VCL: variants seen among roughly 807,000 people sequenced by gnomAD.
VCL encodes the protein epididymis luminal protein 114.
A neutral mutation model predicts 125.7 loss-of-function variants in VCL; 47 were observed. The ratio of observed to expected loss-of-function variants is 0.37; its 90% CI spans 0.30 to 0.48. The LOEUF (loss-of-function observed/expected upper bound fraction) is 0.48, where lower values mean the gene tolerates loss of function less well. Ranked by LOEUF, VCL falls within the 20% of genes least tolerant of loss-of-function variation. The pLI, the probability that VCL is intolerant of heterozygous loss-of-function variation, is 0.99. For synonymous variants in VCL, 458 were observed against 514.6 expected (o/e 0.89, Z 1.49); for missense variants, 1,069 against 1,455.5 (o/e 0.73, Z 4.32).
chr10:74,011,165 CAAAAAAAAAAAA>C lies in VCL; in HGVS notation c.168+12805_168+12816del, dbSNP rs71021585. Among the ~76,000 whole-genome samples the C allele has an allele frequency of 9.6e-5, 5 of 52,326 alleles. No homozygotes were observed. The South Asian group carries it at 2.9e-3, about 31-fold the overall frequency. 34.3% of individuals were successfully genotyped at this position (52,326 alleles called of 152,430 possible). ...GGGCAACAAGAGTGAAACTCTATCTCAAAAAAAAAAAAAAAAAAAAAAAAAAGACACGGGATC... is the reference window on the plus strand; with the variant it reads ...GGGCAACAAGAGTGAAACTCTATCTCAAAAAAAAAAAAAAGACACGGGATC... On this transcript the variant is annotated intron_variant, in intron 1 of 21. Transcript: ENST00000211998.
chr10:74,089,172 A>G (rs1407991364), intron 8 of VCL, 24 bp from the exon 9 acceptor site: 2 of 1,613,786 alleles, frequency 1.2e-6, no homozygotes, highest in Non-Finnish European at 1.7e-6. Context: ...GTGTACAATG[A>G]CAGCATGTGT....
intron 1 of VCL, among the ~76,000 whole-genome samples, chr10:74,038,034 G>T (rs900000868): frequency 1.5e-5 from 2 of 137,800 alleles, no homozygotes; most frequent in East Asian, 4.1e-4. Context: ...GTCTCGCTCT[G>T]TCGCCTAGGC....
chr10:74,053,189 C>T (rs1233990147), intron 2 of VCL, among the ~76,000 whole-genome samples: 1 of 151,908 alleles, frequency 6.6e-6, no homozygotes, highest in Non-Finnish European at 1.5e-5. Flanking sequence ...TCTAAAACTC[C>T]CTGTATCTGG....
At chr10:74,018,660 G>A (rs1352940530) in intron 1 of VCL, among the ~76,000 whole-genome samples, 3 of 152,014 alleles carry the variant, frequency 2.0e-5, no homozygotes, top group Admixed American at 6.6e-5. Flanking sequence ...CCCTTGTGAA[G>A]GGACTCAGAC....
At chr10:74,018,177 GATATATATAT>G (rs72407698) in intron 1 of VCL, among the ~76,000 whole-genome samples, 2 of 81,908 alleles carry the variant, frequency 2.4e-5, no homozygotes, top group Non-Finnish European at 2.6e-5. Context: ...ATATATATAG[GATATATATAT>G]ATATATATAT....
intron 1 of VCL, among the ~76,000 whole-genome samples, chr10:74,030,429 G>T (rs1840854348): frequency 6.6e-6 from 1 of 152,170 alleles, no homozygotes; most frequent in Admixed American, 6.5e-5. Flanking sequence ...TGACATAAAT[G>T]CTTCTCAATC....
intron 2 of VCL, among the ~76,000 whole-genome samples, chr10:74,059,902 G>A (rs775953904): frequency 6.6e-6 from 1 of 152,120 alleles, no homozygotes; most frequent in Non-Finnish European, 1.5e-5. Flanking sequence ...AGTGGCTCAC[G>A]CCTGTAATTC....
intron 9 of VCL, 123 bp from the exon 10 acceptor site, chr10:74,089,900 C>A: frequency 2.7e-6 from 3 of 1,109,316 alleles, no homozygotes; most frequent in South Asian, 2.7e-5. Flanking sequence ...TAATAAAGAT[C>A]AGAATTATAA....
At chr10:74,003,161 C>G (rs1840261764) in intron 1 of VCL, among the ~76,000 whole-genome samples, 1 of 151,870 alleles carries the variant, frequency 6.6e-6, no homozygotes, top group South Asian at 2.1e-4. Context: ...CAACTTCTGC[C>G]TCCCGGGTTC....
chr10:74,117,060 T>C (rs1840321568), intron 21 of VCL, among the ~76,000 whole-genome samples: 1 of 152,256 alleles, frequency 6.6e-6, no homozygotes, highest in Non-Finnish European at 1.5e-5. Flanking sequence ...TTCAGTCTTA[T>C]AAGTTTGTGC....
In VCL at chr10:74,008,703, C is replaced by T. The variant is rs117955572; in HGVS notation, c.168+10328C>T. On this transcript the variant is annotated intron_variant, in intron 1 of 21. Transcript: ENST00000211998. ...AACCTTTAGGTCATGGTTCCGACAGCGGGGTGTATTTTTACATAATAAACC... is the reference window on the plus strand; with the variant it reads ...AACCTTTAGGTCATGGTTCCGACAGTGGGGTGTATTTTTACATAATAAACC... Among the ~76,000 whole-genome samples the T allele has an allele frequency of 7.6e-4, 116 of 152,260 alleles. 1 individual carries two copies. The highest frequency in any genetic ancestry group is 1.4e-3 in the Admixed American group (22 of 15,282).
chr10:74,008,453 G>T (rs1325469808), intron 1 of VCL, among the ~76,000 whole-genome samples: 6 of 152,154 alleles, frequency 3.9e-5, no homozygotes, highest in Non-Finnish European at 1.5e-5. Context: ...TTGGGATTTT[G>T]CATTCTCTTC....
At chr10:74,057,080 C>T (rs1469789021) in intron 2 of VCL, among the ~76,000 whole-genome samples, 1 of 151,916 alleles carries the variant, frequency 6.6e-6, no homozygotes, top group East Asian at 1.9e-4. Context: ...ATAGCTGGGG[C>T]TACAGGTACA....
chr10:74,043,042 G>A (rs367892743), intron 1 of VCL, 41 bp from the exon 2 acceptor site: 100 of 1,552,312 alleles, frequency 6.4e-5, no homozygotes, highest in Non-Finnish European at 8.6e-5. Flanking sequence ...TTTAAAGTCT[G>A]AGAATTTATA....
At chr10:74,014,868 T>G (rs1840508580) in intron 1 of VCL, among the ~76,000 whole-genome samples, 2 of 151,970 alleles carry the variant, frequency 1.3e-5, no homozygotes. Context: ...TTGTATTTTT[T>G]GTAGAGATGG....
At chr10:74,039,219 T>C (rs1161646172) in intron 1 of VCL, among the ~76,000 whole-genome samples, 2 of 151,958 alleles carry the variant, frequency 1.3e-5, no homozygotes, top group Non-Finnish European at 2.9e-5. Context: ...GGCCACGTGG[T>C]TTTTATTTCT....
At chr10:74,029,853 A>G (rs1287135508) in intron 1 of VCL, among the ~76,000 whole-genome samples, 1 of 152,198 alleles carries the variant, frequency 6.6e-6, no homozygotes, top group Non-Finnish European at 1.5e-5. Context: ...TACATAGTTG[A>G]TTTAAAAAAA....
intron 11 of VCL, 89 bp from the exon 12 acceptor site, chr10:74,095,567 T>TA: frequency 6.4e-7 from 1 of 1,556,304 alleles, no homozygotes; most frequent in Non-Finnish European, 8.8e-7. Flanking sequence ...GCTTGGGTGA[T>TA]AGAGCAAGAC....
At chr10:74,034,264 C>T (rs1216197664) in intron 1 of VCL, among the ~76,000 whole-genome samples, 2 of 152,178 alleles carry the variant, frequency 1.3e-5, no homozygotes, top group Non-Finnish European at 1.5e-5. Context: ...ATACAAGGCC[C>T]TCCATGATGT....
Sources: gnomAD v4.1 joint callset for allele counts (sites outside exome capture counted in the v4.1 genomes callset) on GRCh38, gnomAD v4.1.1 for gene constraint, MANE v1.5 for transcripts, NCBI Gene and HGNC (gene_info 2026-07-23, HGNC 2026-07-21) for gene names.